CENPO: variants seen among roughly 807,000 people sequenced by gnomAD.
The protein encoded by CENPO is centromeric protein O.
A neutral mutation model predicts 36.1 loss-of-function variants in CENPO; 30 were observed. The ratio of observed to expected loss-of-function variants is 0.83; its 90% CI spans 0.62 to 1.13. CENPO has a LOEUF of 1.13. Among genes scored for constraint, CENPO ranks in the 50% most tolerant of loss-of-function variants. The pLI, the probability that CENPO is intolerant of heterozygous loss-of-function variation, is 0.00. For synonymous variants in CENPO, 171 were observed against 142.3 expected (o/e 1.20, Z -1.44); for missense variants, 349 against 357.8 (o/e 0.98, Z 0.20).
chr2:24,818,833 G>A (rs1667105050), intron 7 of CENPO, among the ~76,000 whole-genome samples: 1 of 152,232 alleles, frequency 6.6e-6, no homozygotes, highest in African/African-American at 2.4e-5. Context: ...GGCTGACCAG[G>A]TTCTCCTGTA....
chr2:24,819,128 A>G (rs1327713770), intron 7 of CENPO: 2 of 152,562 alleles, frequency 1.3e-5, no homozygotes, highest in African/African-American at 4.8e-5. Flanking sequence ...AAGTACCAGC[A>G]CTCCTCAGAT....
At chr2:24,817,466 C>CCAAAAAAAA (rs552394835) in intron 6 of CENPO, among the ~76,000 whole-genome samples, 2 of 110,084 alleles carry the variant, frequency 1.8e-5, no homozygotes, top group African/African-American at 8.7e-5. Flanking sequence ...TAGTCCAGAC[C>CCAAAAAAAA]AAAAAAAAAA....
chr2:24,815,281 T>A (rs567145866), intron 4 of CENPO, among the ~76,000 whole-genome samples: 1 of 151,866 alleles, frequency 6.6e-6, no homozygotes, highest in Non-Finnish European at 1.5e-5. Context: ...GACATTTAGG[T>A]TGTTTTTTCA....
intron 3 of CENPO, 83 bp downstream of exon 3, chr2:24,799,927 TA>T: frequency 7.0e-7 from 1 of 1,425,154 alleles, no homozygotes; most frequent in South Asian, 1.2e-5. Flanking sequence ...GGCCATTTTT[TA>T]TAATGTGTTT....
At chr2:24,813,965 C>T (rs1366871752) in intron 3 of CENPO, among the ~76,000 whole-genome samples, 1 of 152,134 alleles carries the variant, frequency 6.6e-6, no homozygotes, top group East Asian at 1.9e-4. Flanking sequence ...GTACCTTCTG[C>T]TGGGCCATAG....
intron 1 of CENPO, 64 bp downstream of exon 1, chr2:24,793,565 C>A: frequency 6.7e-7 from 1 of 1,495,642 alleles, no homozygotes; most frequent in Admixed American, 2.5e-5. Flanking sequence ...GCCAGGGTGG[C>A]GGGCTGAACG....
Position 24,816,626 on chromosome 2 carries a change from T to C in CENPO, c.595-20T>C. 6.4e-7 allele frequency: 1 copy of C among 1,568,512 alleles called. No homozygotes were observed. The highest frequency in any genetic ancestry group is 1.2e-5 in the South Asian group (1 of 83,156). Reference sequence around the variant, plus strand: ...AACTGCAGTCATCCTCTACTTCGTTTTGTTCCTCACCCCTCTTAGAGTGAC... The same window carrying C: ...AACTGCAGTCATCCTCTACTTCGTTCTGTTCCTCACCCCTCTTAGAGTGAC... On this transcript the variant is annotated intron_variant, in intron 5 of 7. Transcript: ENST00000380834.
chr2:24,811,801 T>C (rs1390044418), intron 3 of CENPO, among the ~76,000 whole-genome samples: 1 of 152,144 alleles, frequency 6.6e-6, no homozygotes, highest in African/African-American at 2.4e-5. Flanking sequence ...TTTCACCATG[T>C]TGGCCAGTCT....
At chr2:24,802,481 T>C (rs572249396) in intron 3 of CENPO, among the ~76,000 whole-genome samples, 1 of 152,330 alleles carries the variant, frequency 6.6e-6, no homozygotes, top group African/African-American at 2.4e-5. Flanking sequence ...AGATAGCTCT[T>C]ATTATTTTGA....
chr2:24,821,175 C>T lies in CENPO; in HGVS notation c.*1857C>T, dbSNP rs1159376547. The T allele has an allele frequency of 1.4e-5, 6 of 434,700 alleles. No homozygotes were observed. Among genetic ancestry groups the T allele is most frequent in the African/African-American group, 1.2e-4 (6 of 50,162 alleles). 26.9% of individuals were successfully genotyped at this position (434,700 alleles called of 1,614,324 possible). ...CAGTAGAAGCAGCAGGTGATCTTAA[C>T]TCCTTTCAAAGAGCAGGCCTGTCTG... is the stretch of plus-strand genomic sequence containing the variant. On this transcript the variant is annotated 3_prime_UTR_variant, in exon 8 of 8. Coordinates refer to ENST00000380834, the MANE Select transcript of CENPO (RefSeq NM_001322101.2).
In CENPO at chr2:24,817,466, C is replaced by CAAAAAAAAAAAAAAAAAAAAAAAA. The variant is rs57556645; in HGVS notation, c.767-194_767-193insAAAAAAAAAAAAAAAAAAAAAAAA. Among the ~76,000 whole-genome samples the CAAAAAAAAAAAAAAAAAAAAAAAA allele has an allele frequency of 1.2e-3, 132 of 110,024 alleles. 7 individuals are homozygous for CAAAAAAAAAAAAAAAAAAAAAAAA. Among genetic ancestry groups the CAAAAAAAAAAAAAAAAAAAAAAAA allele is most frequent in the South Asian group, 1.7e-3 (6 of 3,464 alleles). The allele number at this position is 110,024 out of a possible 152,430, so 72.2% of individuals were successfully genotyped here. ...AGTAAGGGGCAGCCTTAGTCCAGAC[C>CAAAAAAAAAAAAAAAAAAAAAAAA]AAAAAAAAAAGCTGTATGGGTCCAG... On this transcript the variant is annotated intron_variant, in intron 6 of 7. Coordinates refer to ENST00000380834, the MANE Select transcript of CENPO (RefSeq NM_001322101.2).
rs1226922605 is a variant in CENPO, at chr2:24,820,985, G to T, written c.*1667G>T. The stretch of plus-strand genomic sequence containing the variant: ...TTGTCCTCATTCAACTTGGCTGTAT[G>T]CTATTGGAGGGTGGAAATCACATCT... On this transcript the variant is annotated 3_prime_UTR_variant, in exon 8 of 8. Transcript: ENST00000380834. The T allele has an allele frequency of 4.7e-6, 6 of 1,270,006 alleles. No individual in the cohort carries two copies. The highest frequency in any genetic ancestry group is 3.3e-6 in the Non-Finnish European group (3 of 922,374). The allele number at this position is 1,270,006 out of a possible 1,614,324, so 78.7% of individuals were successfully genotyped here.
chr2:24,795,667 T>C (rs1321327915), intron 2 of CENPO, among the ~76,000 whole-genome samples: 1 of 152,332 alleles, frequency 6.6e-6, no homozygotes, highest in East Asian at 1.9e-4. Context: ...ACTGTTTTAG[T>C]AATATAGAAT....
Position 24,799,828 on chromosome 2 carries a change from G to A in CENPO, c.200G>A (p.Arg67Gln), listed in dbSNP as rs564621485. 2.5e-5 allele frequency: 40 copies of A among 1,613,230 alleles called. No homozygotes were observed. Among genetic ancestry groups the A allele is most frequent in the Admixed American group, 1.8e-4 (11 of 60,016 alleles). ...RLRDELRAVV[R>Q]HRRASVKACI... is the part of the protein sequence containing the mutation. ...CGAGATGAGCTGAGGGCTGTGGTGC[G>A]GCACCGGCGAGCCAGCGTGAGTAGA... Residue 67 changes from arginine (R) to glutamine (Q), a missense_variant, in exon 3 of 8, where the codon CGG (arginine) becomes CAG (glutamine). Physicochemically the swap from Arg to Gln is conservative, Grantham distance 43. Transcript: ENST00000380834.
At chr2:24,802,548 A>G (rs1666207043) in intron 3 of CENPO, among the ~76,000 whole-genome samples, 1 of 152,096 alleles carries the variant, frequency 6.6e-6, no homozygotes, top group African/African-American at 2.4e-5. Context: ...GCGTTGTTGA[A>G]TTTTGTCAAA....
chr2:24,817,680 A>G lies in CENPO; in HGVS notation c.777A>G (p.Val259=). 2 of 1,614,128 alleles carry G rather than the reference A, an allele frequency of 1.2e-6. No homozygotes were observed. The highest frequency in any genetic ancestry group is 2.2e-5 in the South Asian group (2 of 91,088). Residue 259 remains valine, a synonymous_variant, in exon 7 of 8, where the codon GTA becomes GTG. Coordinates refer to ENST00000380834, the MANE Select transcript of CENPO (RefSeq NM_001322101.2). ...DVTVTCQGVE[V]LSTSWEEQRA... ...AATCTTTCTTTTTAGGAGTGGAAGT[A>G]TTATCCACTTCATGGGAGGAGCAAC...
In CENPO at chr2:24,820,054, G is replaced by A; in HGVS notation, c.*736G>A. On this transcript the variant is annotated 3_prime_UTR_variant, in exon 8 of 8. Transcript: ENST00000380834. Reference sequence around the variant, plus strand: ...TCCCCCTTCCCCTTCACAAAGATGGGGCCTCGCCTCACAAAGCGGAAGCCG... The same window carrying A: ...TCCCCCTTCCCCTTCACAAAGATGGAGCCTCGCCTCACAAAGCGGAAGCCG... 1 of 1,597,904 alleles carries A rather than the reference G, an allele frequency of 6.3e-7. No homozygotes were observed. The highest frequency in any genetic ancestry group is 8.5e-7 in the Non-Finnish European group (1 of 1,172,530).
chr2:24,820,427 C>G lies in CENPO; in HGVS notation c.*1109C>G. ...TGCTCTTCTGTCCCTTTGCCCCTTT[C>G]GTGGAGCTTTTCTGCCAGACGCCAC... On this transcript the variant is annotated 3_prime_UTR_variant, in exon 8 of 8. Transcript: ENST00000380834. 1 of 1,321,332 alleles carries G rather than the reference C, an allele frequency of 7.6e-7. No homozygotes were observed. The highest frequency in any genetic ancestry group is 3.1e-5 in the East Asian group (1 of 32,342). 81.9% of individuals were successfully genotyped at this position (1,321,332 alleles called of 1,614,324 possible).
In CENPO at chr2:24,793,935, C is replaced by T. The variant is rs1318208296; in HGVS notation, c.16C>T (p.Pro6Ser). 1 of 1,614,084 alleles carries T rather than the reference C, an allele frequency of 6.2e-7. No individual in the cohort carries two copies. The highest frequency in any genetic ancestry group is 1.7e-5 in the Admixed American group (1 of 60,012). Residue 6 changes from proline (P) to serine (S), a missense_variant, in exon 2 of 8, where the codon CCT (proline) becomes TCT (serine). Pro to Ser is a moderately conservative substitution (Grantham distance 74). Transcript: ENST00000380834. The part of the protein sequence containing the change: MEQAN[P>S]LRPDGESKGG... ...GGAATCTGAGATGGAGCAGGCGAAC[C>T]CTTTACGTCCAGATGGCGAGTCCAA...
Sources: gnomAD v4.1 joint callset for allele counts (sites outside exome capture counted in the v4.1 genomes callset) on GRCh38, gnomAD v4.1.1 for gene constraint, MANE v1.5 for transcripts, NCBI Gene and HGNC (gene_info 2026-07-23, HGNC 2026-07-21) for gene names.